The following GRIA3 variants were observed in gnomAD, a reference collection of about 807,000 sequenced individuals.
The protein encoded by GRIA3 is glutamate receptor 3.
In GRIA3, 3 loss-of-function variants were observed where a neutral mutation model predicts 63.0. That is an observed-to-expected ratio of 0.05 (90% CI 0.02 to 0.12). The LOEUF is 0.12. Among genes scored for constraint, GRIA3 ranks in the 10% least tolerant of loss-of-function variants. The pLI, the probability that GRIA3 is intolerant of heterozygous loss-of-function variation, is 1.00. For synonymous variants in GRIA3, 274 were observed against 257.9 expected (o/e 1.06, Z -0.60); for missense variants, 347 against 700.9 (o/e 0.50, Z 5.70).
chrX:123,304,617 C>T (rs1470948255), intron 3 of GRIA3, among the ~76,000 whole-genome samples: 1 of 111,611 alleles, frequency 9.0e-6, no homozygotes, highest in African/African-American at 3.3e-5. Flanking sequence ...TTTGCGGATC[C>T]CATCTGTAAA....
intron 4 of GRIA3, among the ~76,000 whole-genome samples, chrX:123,335,171 G>C (rs768512637): frequency 9.0e-6 from 1 of 110,974 alleles, no homozygotes; most frequent in African/African-American, 3.3e-5. Context: ...ACATCAGTGA[G>C]CTTTGCTGAG....
chrX:123,457,625 T>C (rs2045769364), intron 12 of GRIA3, among the ~76,000 whole-genome samples: 1 of 112,577 alleles, frequency 8.9e-6, no homozygotes, highest in African/African-American at 3.2e-5. Context: ...CAAACACCAA[T>C]ACTGTCTTTA....
At chrX:123,428,577 T>C (rs1028975134) in intron 12 of GRIA3, among the ~76,000 whole-genome samples, 1 of 112,278 alleles carries the variant, frequency 8.9e-6, no homozygotes, top group Non-Finnish European at 1.9e-5. Context: ...TGATGAGTAA[T>C]GGACTATAAG....
At chrX:123,366,153 A>T (rs1249887339) in intron 5 of GRIA3, among the ~76,000 whole-genome samples, 1 of 111,287 alleles carries the variant, frequency 9.0e-6, no homozygotes, top group Admixed American at 9.5e-5. Context: ...GCTTATCAGC[A>T]AGTTCTTTAT....
chrX:123,332,971 T>C (rs1187547301), intron 4 of GRIA3, among the ~76,000 whole-genome samples: 1 of 111,431 alleles, frequency 9.0e-6, no homozygotes, highest in Non-Finnish European at 1.9e-5. Context: ...GTAGTGGCTC[T>C]ATACTTCACT....
At chrX:123,452,506 C>T (rs2045738648) in intron 12 of GRIA3, among the ~76,000 whole-genome samples, 1 of 111,180 alleles carries the variant, frequency 9.0e-6, no homozygotes, top group Admixed American at 9.5e-5. Context: ...ACAGTGGAAA[C>T]AAAACATTGC....
chrX:123,316,011 A>T lies in GRIA3; in HGVS notation c.509-10015A>T, dbSNP rs1001104556. On this transcript the variant is annotated intron_variant, in intron 3 of 15. Coordinates refer to ENST00000620443, the MANE Select transcript of GRIA3 (RefSeq NM_007325.5). ...GGCAACATAGCAAGACCCCATCTCTAAAAAAAAAAAAAAAAAGCAAATTTT... is the reference window on the plus strand; with the variant it reads ...GGCAACATAGCAAGACCCCATCTCTTAAAAAAAAAAAAAAAAGCAAATTTT... Among the ~76,000 whole-genome samples, 35 of 6,634 alleles carry T rather than the reference A, an allele frequency of 5.3e-3. 1 individual carries two copies. Among genetic ancestry groups the T allele is most frequent in the East Asian group, 0.04 (25 of 619 alleles). The allele number at this position is 6,634 out of a possible 115,157, so 5.8% of individuals were successfully genotyped here.
intron 3 of GRIA3, among the ~76,000 whole-genome samples, chrX:123,271,648 C>T (rs936895595): frequency 2.7e-5 from 3 of 112,125 alleles, no homozygotes; most frequent in African/African-American, 6.5e-5. Flanking sequence ...CCACCCTTGA[C>T]GAGCATTCAT....
At chrX:123,233,750 T>C (rs1239719569) in intron 2 of GRIA3, among the ~76,000 whole-genome samples, 1 of 111,817 alleles carries the variant, frequency 8.9e-6, no homozygotes, top group Non-Finnish European at 1.9e-5. Context: ...TAAGACATTT[T>C]ATGCTTAAGA....
At chrX:123,255,639 CG>C (rs2044415461) in intron 3 of GRIA3, among the ~76,000 whole-genome samples, 1 of 105,638 alleles carries the variant, frequency 9.5e-6, no homozygotes, top group Admixed American at 1.1e-4. Flanking sequence ...ACTAGAAGAA[CG>C]GGAGGAAAAG....
At chrX:123,374,525 A>G (rs1422225055) in intron 5 of GRIA3, among the ~76,000 whole-genome samples, 1 of 111,354 alleles carries the variant, frequency 9.0e-6, no homozygotes, top group East Asian at 2.8e-4. Context: ...GTCCTCCTTT[A>G]TTTCGTTGAG....
intron 2 of GRIA3, among the ~76,000 whole-genome samples, chrX:123,242,126 G>A (rs963992756): frequency 8.9e-6 from 1 of 111,877 alleles, no homozygotes; most frequent in African/African-American, 3.2e-5. Flanking sequence ...ATAAAGGCAT[G>A]TCTTCTTCAC....
intron 2 of GRIA3, among the ~76,000 whole-genome samples, chrX:123,228,292 C>T (rs1206955399): frequency 1.8e-5 from 2 of 111,533 alleles, no homozygotes; most frequent in Non-Finnish European, 3.8e-5. Flanking sequence ...AGATCACAGA[C>T]AGCTGGGTTG....
chrX:123,437,949 A>T (rs1206158143), intron 12 of GRIA3, among the ~76,000 whole-genome samples: 1 of 112,228 alleles, frequency 8.9e-6, no homozygotes, highest in Non-Finnish European at 1.9e-5. Context: ...TTTAAAGGGT[A>T]TAATGGTTTT....
intron 3 of GRIA3, among the ~76,000 whole-genome samples, chrX:123,295,306 T>A (rs2044678817): frequency 8.9e-6 from 1 of 111,835 alleles, no homozygotes; most frequent in Non-Finnish European, 1.9e-5. Flanking sequence ...CGTGAATTTT[T>A]AAAAATCAGT....
intron 2 of GRIA3, among the ~76,000 whole-genome samples, chrX:123,215,074 A>G (rs1239424714): frequency 8.9e-6 from 1 of 112,248 alleles, no homozygotes; most frequent in Non-Finnish European, 1.9e-5. Context: ...GAAACTACCA[A>G]GTGACTATAT....
chrX:123,305,201 C>T (rs755573660), intron 3 of GRIA3, among the ~76,000 whole-genome samples: 3 of 111,088 alleles, frequency 2.7e-5, no homozygotes, highest in Admixed American at 9.6e-5. Context: ...GTTTTCACGT[C>T]GAGTTTATAC....
At chrX:123,279,667 G>A (rs939534656) in intron 3 of GRIA3, among the ~76,000 whole-genome samples, 1 of 111,250 alleles carries the variant, frequency 9.0e-6, no homozygotes, top group African/African-American at 3.3e-5. Flanking sequence ...GCTGGCAGAG[G>A]GAGGAAGAAG....
intron 2 of GRIA3, among the ~76,000 whole-genome samples, chrX:123,210,991 C>T (rs1928028574): frequency 9.0e-6 from 1 of 111,654 alleles, no homozygotes; most frequent in East Asian, 2.8e-4. Flanking sequence ...AAACAACAAT[C>T]TTTTCAGCCA....
Sources: gnomAD v4.1 joint callset for allele counts (sites outside exome capture counted in the v4.1 genomes callset) on GRCh38, gnomAD v4.1.1 for gene constraint, MANE v1.5 for transcripts, NCBI Gene and HGNC (gene_info 2026-07-23, HGNC 2026-07-21) for gene names.